Variants in NRP2 observed in about 807,000 individuals in gnomAD.
NRP2 encodes neuropilin 2.
Under a neutral mutation model 110.4 loss-of-function variants are expected in NRP2, and 52 were observed. That is an observed-to-expected ratio of 0.47 (90% CI 0.38 to 0.59). The LOEUF is 0.59. Among genes scored for constraint, NRP2 ranks in the 20% least tolerant of loss-of-function variants. The pLI, the probability that NRP2 is intolerant of heterozygous loss-of-function variation, is 0.00. For missense variants in NRP2, 1,049 were observed against 1,203.0 expected, an observed-to-expected ratio of 0.87 and a Z score of 1.89; for synonymous variants, 508 against 468.9, an observed-to-expected ratio of 1.08 and a Z score of -1.08.
In NRP2 at chr2:205,686,582, G is replaced by A. The variant is rs1397755024; in HGVS notation, c.73+3219G>A. Reference sequence around the variant, plus strand: ...GGTCGCAGGCGTCCAGCGGCTGGGTGGCGGGCGCCGGTAGCCCTAGTGTTT... The same window carrying A: ...GGTCGCAGGCGTCCAGCGGCTGGGTAGCGGGCGCCGGTAGCCCTAGTGTTT... On this transcript the variant is annotated intron_variant, in intron 1 of 16. Transcript: ENST00000357785. The surrounding 1 kb of genome is among the most constrained non-coding windows in gnomAD (Gnocchi z 4.7). Among the ~76,000 whole-genome samples, 2 of 152,208 alleles carry A rather than the reference G, an allele frequency of 1.3e-5. No homozygotes were observed. The highest frequency in any genetic ancestry group is 2.9e-5 in the Non-Finnish European group (2 of 68,032).
At position 205,725,850 on chromosome 2, in the gene NRP2, T is replaced by C. The variant is rs971084448; in HGVS notation, c.821-63T>C. The C allele has an allele frequency of 1.2e-5, 19 of 1,576,386 alleles. No individual in the cohort carries two copies. Among genetic ancestry groups the C allele is most frequent in the African/African-American group, 6.7e-5 (5 of 74,234 alleles). ...CTTGTCCCTAGAAGGGAGGCAGCAT[T>C]TGGGGGATCCCGAGGTATGAGGTTG... On this transcript the variant is annotated intron_variant, in intron 5 of 16. Transcript: ENST00000357785. The surrounding 1 kb of genome is among the most constrained non-coding windows in gnomAD (Gnocchi z 4.1).
intron 1 of NRP2, among the ~76,000 whole-genome samples, chr2:205,688,930 C>T (rs538635788): frequency 3.9e-5 from 6 of 152,276 alleles, no homozygotes; most frequent in South Asian, 2.1e-4. Context: ...ATCCATCACC[C>T]GCCCTCCCCG....
rs917980946 is a variant in NRP2, at chr2:205,723,900, C to T, written c.780C>T (p.Phe260=). The change falls in exon 5 of 17, where the codon TTC becomes TTT. Residue 260 remains phenylalanine, a synonymous_variant. Transcript: ENST00000357785. ...ACATGGCGGTGGCCAAGGATGGCTT[C>T]TCTGCGCGTTACTACCTGGTCCACC... The part of the protein sequence containing the change: ...HTDMAVAKDG[F]SARYYLVHQE... 4.3e-6 allele frequency: 7 copies of T among 1,614,068 alleles called. No individual in the cohort carries two copies. The highest frequency in any genetic ancestry group is 1.7e-5 in the Admixed American group (1 of 60,012).
chr2:205,757,333 G>T (rs537969835), intron 12 of NRP2, among the ~76,000 whole-genome samples: 30 of 152,236 alleles, frequency 2.0e-4, no homozygotes, highest in Non-Finnish European at 3.1e-4. Flanking sequence ...AATGTAAGAA[G>T]TAAGATTGTT....
chr2:205,794,749 C>T lies in NRP2; in HGVS notation c.2477-5C>T, dbSNP rs367714598. On this transcript the variant is annotated splice_region_variant and splice_polypyrimidine_tract_variant and intron_variant, in intron 16 of 16. Coordinates refer to ENST00000357785, the MANE Select transcript of NRP2 (RefSeq NM_003872.3). ...GCAATCTCTCATGAATTTTATGTAT[C>T]GCAGATGAATACGAGGTGGACTGGA... 100 of 1,613,982 alleles carry T rather than the reference C, an allele frequency of 6.2e-5. No individual in the cohort carries two copies. The highest frequency in any genetic ancestry group is 3.3e-4 in the Middle Eastern group (2 of 6,058).
At chr2:205,764,973 C>A (rs1243663798) in intron 13 of NRP2, among the ~76,000 whole-genome samples, 1 of 152,140 alleles carries the variant, frequency 6.6e-6, no homozygotes, top group East Asian at 1.9e-4. Flanking sequence ...AAAACAAATT[C>A]TTTTCCTCCT....
At chr2:205,749,882 G>C (rs924433456) in intron 11 of NRP2, 41 bp downstream of exon 11, 1 of 1,475,718 alleles carries the variant, frequency 6.8e-7, no homozygotes, top group African/African-American at 1.4e-5. Context: ...GTGCGGACTA[G>C]TCAGAGTGGG....
intron 3 of NRP2, among the ~76,000 whole-genome samples, chr2:205,719,599 T>C (rs1355305957): frequency 6.6e-6 from 1 of 152,084 alleles, no homozygotes; most frequent in Non-Finnish European, 1.5e-5. Context: ...CAAGATTAGG[T>C]TTTCTTTCCT....
At chr2:205,776,148 C>T (rs1206556851) in intron 15 of NRP2, 1 of 1,229,124 alleles carries the variant, frequency 8.1e-7, no homozygotes, top group Admixed American at 1.7e-5. Context: ...CCCTGTATGT[C>T]CCAAAGCATG....
At position 205,765,505 on chromosome 2, in the gene NRP2, G is replaced by A. The variant is rs752727250; in HGVS notation, c.2339G>A (p.Arg780His). The A allele has an allele frequency of 2.7e-5, 43 of 1,614,032 alleles. 1 individual carries two copies. Among genetic ancestry groups the A allele is most frequent in the East Asian group, 1.8e-4 (8 of 44,896 alleles). ...TTCGAGGGAGTGATAGGGAAAGGAC[G>A]TTCCGGAGAGATTGCCATTGATGAC... The part of the protein sequence containing the change: ...IVFEGVIGKG[R>H]SGEIAIDDIR... Residue 780 changes from arginine (R) to histidine (H), a missense_variant, in exon 14 of 17, where the codon CGT (arginine) becomes CAT (histidine). Coordinates refer to ENST00000357785, the MANE Select transcript of NRP2 (RefSeq NM_003872.3).
At chr2:205,780,890 A>G (rs1177873785) in intron 15 of NRP2, among the ~76,000 whole-genome samples, 2 of 152,246 alleles carry the variant, frequency 1.3e-5, no homozygotes, top group African/African-American at 4.8e-5. Context: ...TTGCAGGAGA[A>G]TAAAGTAGAA....
At chr2:205,777,044 G>T in intron 15 of NRP2, 1 of 1,004,844 alleles carries the variant, frequency 1.0e-6, no homozygotes, top group Non-Finnish European at 1.2e-6. Context: ...TTCAGAGAGG[G>T]CCCCTTTAAC....
intron 15 of NRP2, among the ~76,000 whole-genome samples, chr2:205,768,886 G>A (rs1252109443): frequency 6.6e-6 from 1 of 152,178 alleles, no homozygotes; most frequent in African/African-American, 2.4e-5. Flanking sequence ...AATTGGGAAT[G>A]GAGAATTTCA....
At position 205,792,258 on chromosome 2, in the gene NRP2, A is replaced by G. The variant is rs1488340435; in HGVS notation, c.2449A>G (p.Arg817Gly). The G allele has an allele frequency of 6.3e-7, 1 of 1,599,966 alleles. No homozygotes were observed. Among genetic ancestry groups the G allele is most frequent in the Non-Finnish European group, 8.6e-7 (1 of 1,167,178 alleles). The change falls in exon 16 of 17, where the codon AGA becomes GGA. Residue 817 changes from arginine (R) to glycine (G), a missense_variant. Physicochemically the swap from Arg to Gly is moderately radical, Grantham distance 125 (BLOSUM62 -2). Transcript: ENST00000357785. ...FAVDIPEIHE[R>G]EGYEDEIDDE... Reference sequence around the variant, plus strand: ...AGTGGACATCCCAGAAATACATGAGAGAGAAGGATATGAAGATGAAATTGA... The same window carrying G: ...AGTGGACATCCCAGAAATACATGAGGGAGAAGGATATGAAGATGAAATTGA...
intron 7 of NRP2, chr2:205,740,120 G>A (rs2057414379): frequency 3.3e-6 from 1 of 298,666 alleles, no homozygotes; most frequent in Non-Finnish European, 6.5e-6. Flanking sequence ...TGCAACATGA[G>A]GAAGAGGGAG....
intron 7 of NRP2, among the ~76,000 whole-genome samples, chr2:205,730,854 AG>A (rs2057224841): frequency 6.6e-6 from 1 of 152,244 alleles, no homozygotes; most frequent in African/African-American, 2.4e-5. Context: ...GGCCTCTGAA[AG>A]AATGCCTTCC....
rs540503276 is a variant in NRP2 at position 205,749,932 on chromosome 2, G to C, written c.1903+91G>C. 10 of 961,494 alleles carry C rather than the reference G, an allele frequency of 1.0e-5. No individual in the cohort carries two copies. The East Asian group carries it at 2.2e-4, about 21-fold the overall frequency. The allele number at this position is 961,494 out of a possible 1,614,324, so 59.6% of individuals were successfully genotyped here. On this transcript the variant is annotated intron_variant, in intron 11 of 16. Coordinates refer to ENST00000357785, the MANE Select transcript of NRP2 (RefSeq NM_003872.3). ...TGGACAGGGACCTAGTGGTCCCCCA[G>C]ATCAGAGATCCAGGGGATCTCAAAG...
chr2:205,699,151 G>A lies in NRP2; in HGVS notation c.251+1430G>A, dbSNP rs570425123. Among the ~76,000 whole-genome samples the A allele has an allele frequency of 5.9e-5, 9 of 152,310 alleles. No homozygotes were observed. In the East Asian group the frequency reaches 9.6e-4, roughly 16 times the overall value. ...ATCCCAGATCCACTCTTGACTCAACGGATGACATAGGGAAACTCATCAGTT... is the reference window on the plus strand; with the variant it reads ...ATCCCAGATCCACTCTTGACTCAACAGATGACATAGGGAAACTCATCAGTT... On this transcript the variant is annotated intron_variant, in intron 2 of 16. Coordinates refer to ENST00000357785, the MANE Select transcript of NRP2 (RefSeq NM_003872.3).
chr2:205,749,978 G>A, intron 11 of NRP2, 137 bp downstream of exon 11: 1 of 731,136 alleles, frequency 1.4e-6, no homozygotes. Flanking sequence ...AGAGGTGGGG[G>A]CACTTAGGGG....
Sources: allele counts gnomAD v4.1 joint callset (sites outside exome capture counted in the v4.1 genomes callset), GRCh38; gene constraint gnomAD v4.1.1; non-coding constraint Gnocchi (gnomAD v3.1); transcripts MANE v1.5; gene names NCBI Gene and HGNC (gene_info 2026-07-23, HGNC 2026-07-21).